VWA8: variants seen among roughly 807,000 people sequenced by gnomAD.
VWA8 encodes von Willebrand factor A domain containing 8.
In VWA8, 221 loss-of-function variants were observed where a neutral mutation model predicts 241.5. The ratio of observed to expected loss-of-function variants is 0.91; its 90% confidence interval spans 0.82 to 1.02. VWA8 has a LOEUF of 1.02. VWA8 is among the 50% of genes least tolerant of loss of function. The pLI is 0.00. For missense variants in VWA8, 2,322 were observed against 2,328.7 expected (o/e 1.00, Z 0.06); for synonymous variants, 852 against 827.1 (o/e 1.03, Z -0.52).
In VWA8 at chr13:41,860,012, C is replaced by CT. The variant is rs532715039; in HGVS notation, c.1425+5723dup. Among the ~76,000 whole-genome samples, 329 of 152,252 alleles carry CT rather than the reference C, an allele frequency of 2.2e-3. 2 individuals carry two copies. The highest frequency in any genetic ancestry group is 7.0e-3 in the African/African-American group (290 of 41,556). On this transcript the variant is annotated intron_variant, in intron 12 of 44. Coordinates refer to ENST00000379310, the MANE Select transcript of VWA8 (RefSeq NM_015058.2). Reference sequence around the variant, plus strand: ...TATTATTATACAAACCAAATTCATTCTTTAAGTTTATTAATTCCTGTGTCC... The same window carrying CT: ...TATTATTATACAAACCAAATTCATTCTTTTAAGTTTATTAATTCCTGTGTCC...
chr13:41,782,135 G>A (rs1023442663), intron 19 of VWA8, among the ~76,000 whole-genome samples: 5 of 152,210 alleles, frequency 3.3e-5, no homozygotes, highest in Non-Finnish European at 5.9e-5. Flanking sequence ...GAGAAGGTAC[G>A]TTTGGAGACA....
chr13:41,688,791 A>G (rs959398523), intron 34 of VWA8, among the ~76,000 whole-genome samples: 6 of 152,132 alleles, frequency 3.9e-5, no homozygotes, highest in Non-Finnish European at 8.8e-5. Flanking sequence ...ACGGACACAA[A>G]GAAGGGAACA....
intron 39 of VWA8, 79 bp downstream of exon 39, chr13:41,611,496 CA>C: frequency 6.6e-7 from 1 of 1,505,260 alleles, no homozygotes; most frequent in Non-Finnish European, 9.0e-7. Flanking sequence ...GAAACACACA[CA>C]AATCTAGGTT....
chr13:41,808,660 G>A (rs1226276060), intron 17 of VWA8, among the ~76,000 whole-genome samples: 11 of 151,954 alleles, frequency 7.2e-5, no homozygotes, highest in South Asian at 4.1e-4. Context: ...ATACTGAATC[G>A]GAAAAACTGG....
chr13:41,743,626 G>T (rs537731066), intron 21 of VWA8, among the ~76,000 whole-genome samples: 1 of 152,126 alleles, frequency 6.6e-6, no homozygotes, highest in East Asian at 1.9e-4. Context: ...AAACATATCA[G>T]CGTTTGAGTT....
In VWA8 at chr13:41,833,544, C is replaced by T. The variant is rs1871576194; in HGVS notation, c.1426-13G>A. On this transcript the variant is annotated splice_polypyrimidine_tract_variant and intron_variant, in intron 12 of 44. Transcript: ENST00000379310. ...GCGCTGTCATATCCTAAAACAAATCCCCACCACCCAACAAAGAACATGACG... is the reference window on the plus strand; with the variant it reads ...GCGCTGTCATATCCTAAAACAAATCTCCACCACCCAACAAAGAACATGACG... 1 of 1,589,446 alleles carries T rather than the reference C, an allele frequency of 6.3e-7. No individual in the cohort carries two copies. Among genetic ancestry groups the T allele is most frequent in the African/African-American group, 1.3e-5 (1 of 74,184 alleles).
chr13:41,750,174 C>A (rs1407972739), intron 21 of VWA8, among the ~76,000 whole-genome samples: 1 of 152,086 alleles, frequency 6.6e-6, no homozygotes, highest in Non-Finnish European at 1.5e-5. Context: ...GTGGCTCACA[C>A]CTATAATCCC....
chr13:41,588,922 A>G (rs1159434931), intron 41 of VWA8, among the ~76,000 whole-genome samples: 1 of 152,222 alleles, frequency 6.6e-6, no homozygotes, highest in Non-Finnish European at 1.5e-5. Context: ...ACACTTATAC[A>G]TATGCTTCCA....
chr13:41,858,857 G>A (rs1872876410), intron 12 of VWA8, among the ~76,000 whole-genome samples: 1 of 151,960 alleles, frequency 6.6e-6, no homozygotes, highest in East Asian at 1.9e-4. Context: ...AGACAGGAAG[G>A]GTGACAGACT....
At chr13:41,651,739 TG>T (rs2044870835) in intron 37 of VWA8, among the ~76,000 whole-genome samples, 2 of 152,208 alleles carry the variant, frequency 1.3e-5, no homozygotes, top group African/African-American at 4.8e-5. Flanking sequence ...TCTTAGTTTG[TG>T]GGCCTACAGA....
chr13:41,636,037 G>A (rs993409762), intron 37 of VWA8, among the ~76,000 whole-genome samples: 7 of 152,002 alleles, frequency 4.6e-5, no homozygotes, highest in South Asian at 2.1e-4. Flanking sequence ...AATCAAAGCC[G>A]AATAAACCAA....
intron 12 of VWA8, among the ~76,000 whole-genome samples, chr13:41,837,848 G>A (rs1871811624): frequency 6.6e-6 from 1 of 152,044 alleles, no homozygotes; most frequent in Non-Finnish European, 1.5e-5. Flanking sequence ...GAACTTAAGA[G>A]AATAAAAATA....
intron 5 of VWA8, 116 bp downstream of exon 5, chr13:41,891,304 G>T: frequency 8.0e-7 from 1 of 1,257,734 alleles, no homozygotes; most frequent in Non-Finnish European, 1.1e-6. Context: ...ATTTACCCAA[G>T]ATAAGGGCCA....
At chr13:41,569,447 T>A (rs1421924166) in intron 44 of VWA8, among the ~76,000 whole-genome samples, 1 of 152,190 alleles carries the variant, frequency 6.6e-6, no homozygotes, top group East Asian at 1.9e-4. Context: ...GAATGAAAAG[T>A]CATGTCATAA....
chr13:41,881,898 C>CG (rs1555347117), intron 9 of VWA8, among the ~76,000 whole-genome samples: 2 of 142,030 alleles, frequency 1.4e-5, no homozygotes, highest in African/African-American at 2.6e-5. Flanking sequence ...GCTGGCCTGG[C>CG]GGGGGCTGAC....
intron 9 of VWA8, among the ~76,000 whole-genome samples, chr13:41,881,371 C>CGGGGGGGGG (rs1491104127): frequency 9.1e-5 from 1 of 10,982 alleles, no homozygotes; most frequent in Non-Finnish European, 2.0e-4. Flanking sequence ...TTTTTTTTTG[C>CGGGGGGGGG]CGGGGGGGGG....
intron 26 of VWA8, among the ~76,000 whole-genome samples, chr13:41,708,076 G>A (rs745907297): frequency 3.9e-5 from 6 of 152,032 alleles, no homozygotes; most frequent in Non-Finnish European, 5.9e-5. Context: ...TTTTACATGG[G>A]GCCGGGTGCA....
intron 2 of VWA8, among the ~76,000 whole-genome samples, chr13:41,946,523 G>A (rs1187785020): frequency 6.6e-6 from 1 of 152,120 alleles, no homozygotes; most frequent in Non-Finnish European, 1.5e-5. Flanking sequence ...GCACTGAGGA[G>A]CTGGAAGGGA....
intron 26 of VWA8, among the ~76,000 whole-genome samples, chr13:41,708,888 C>T (rs2045299380): frequency 6.6e-6 from 1 of 152,236 alleles, no homozygotes; most frequent in East Asian, 1.9e-4. Flanking sequence ...TTCCTCCTCA[C>T]AGAAGTTGCC....
Sources: gnomAD v4.1 joint callset for allele counts (sites outside exome capture counted in the v4.1 genomes callset) on GRCh38, gnomAD v4.1.1 for gene constraint, MANE v1.5 for transcripts, NCBI Gene and HGNC (gene_info 2026-07-23, HGNC 2026-07-21) for gene names.